Variants in NDST1 observed in about 807,000 individuals in gnomAD.
NDST1 encodes bifunctional heparan sulfate N-deacetylase/N-sulfotransferase 1.
A neutral mutation model predicts 92.8 loss-of-function variants in NDST1; 35 were observed. The ratio of observed to expected loss-of-function variants is 0.38; its 90% CI spans 0.29 to 0.50. NDST1 has a LOEUF of 0.50. Among genes scored for constraint, NDST1 ranks in the 20% least tolerant of loss-of-function variants. NDST1 has a pLI of 0.94. For synonymous variants in NDST1, 493 were observed against 500.3 expected (o/e 0.99, Z 0.19); for missense variants, 822 against 1,182.7 (o/e 0.69, Z 4.47).
Position 150,510,908 on chromosome 5 carries a change from G to A in NDST1, c.-388+2682G>A, listed in dbSNP as rs1158398270. On this transcript the variant is annotated intron_variant, in intron 1 of 14. Transcript: ENST00000261797. ...AACACAGACAGAAAACTATTGAAAA[G>A]GAATGGAGAAAGGGATGTGCAGGGC... Among the ~76,000 whole-genome samples, 4 of 152,342 alleles carry A rather than the reference G, an allele frequency of 2.6e-5. No individual in the cohort carries two copies. The East Asian group carries it at 7.7e-4, about 29-fold the overall frequency.
chr5:150,553,285 C>G lies in NDST1; in HGVS notation c.2602C>G (p.Gln868Glu). 6.2e-7 allele frequency: 1 copy of G among 1,613,894 alleles called. No individual in the cohort carries two copies. Among genetic ancestry groups the G allele is most frequent in the East Asian group, 2.2e-5 (1 of 44,876 alleles). Residue 868 changes from glutamine to glutamate, a missense_variant, in exon 15 of 15, where the codon CAG (glutamine) becomes GAG (glutamate). Transcript: ENST00000261797. The surrounding 1 kb of genome is among the most constrained non-coding windows in gnomAD (Gnocchi z 4.2). ...CTCCAAGCTGCTGTATAAGATGGGC[C>G]AGACACTTCCCACTTGGCTACGAGA... ...ELSKLLYKMGQTLPTWLREDL... is the reference protein window; with the variant it reads ...ELSKLLYKMGETLPTWLREDL...
intron 3 of NDST1, among the ~76,000 whole-genome samples, chr5:150,530,457 G>T (rs980857895): frequency 1.3e-5 from 2 of 152,036 alleles, no homozygotes; most frequent in African/African-American, 4.8e-5. Context: ...GAGAGACTGT[G>T]GTCCAGGGTC....
In NDST1 at chr5:150,536,028, C is replaced by G. The variant is rs1260225715; in HGVS notation, c.1437+143C>G. The G allele has an allele frequency of 1.1e-5, 11 of 973,050 alleles. No individual in the cohort carries two copies. In the Admixed American group the frequency reaches 2.2e-4, roughly 19 times the overall value. The allele number at this position is 973,050 out of a possible 1,614,324, so 60.3% of individuals were successfully genotyped here. On this transcript the variant is annotated intron_variant, in intron 6 of 14. Coordinates refer to ENST00000261797, the MANE Select transcript of NDST1 (RefSeq NM_001543.5). Reference sequence around the variant, plus strand: ...CAGCTTCTGCTGCCTCCTCTGGCACCCGAGGCTCTCTGCCCCAGGGAAGGT... The same window carrying G: ...CAGCTTCTGCTGCCTCCTCTGGCACGCGAGGCTCTCTGCCCCAGGGAAGGT...
intron 4 of NDST1, 144 bp downstream of exon 4, chr5:150,533,176 C>A: frequency 1.2e-6 from 1 of 814,294 alleles, no homozygotes; most frequent in Non-Finnish European, 2.1e-6. Context: ...CCCGTGGAGC[C>A]AACAGCCTAC....
At chr5:150,503,335 A>G (rs1753312844), upstream of NDST1, among the ~76,000 whole-genome samples, 1 of 152,118 alleles carries the variant, frequency 6.6e-6, no homozygotes, top group Admixed American at 6.6e-5. Context: ...CCAGCTACTC[A>G]GGAGGCTGGG....
chr5:150,551,969 C>A, intron 14 of NDST1, 114 bp downstream of exon 14: 1 of 1,496,066 alleles, frequency 6.7e-7, no homozygotes, highest in South Asian at 1.2e-5. Context: ...ATGGCCTTAG[C>A]ATTTCTTGGA....
chr5:150,543,135 C>T (rs983734842), intron 10 of NDST1, among the ~76,000 whole-genome samples, 164 bp downstream of exon 10: 2 of 152,176 alleles, frequency 1.3e-5, no homozygotes, highest in African/African-American at 2.4e-5. Flanking sequence ...GGTGTGACAG[C>T]GTTGTCATAG....
chr5:150,531,523 G>A (rs1266595927), intron 3 of NDST1, among the ~76,000 whole-genome samples: 1 of 134,462 alleles, frequency 7.4e-6, no homozygotes, highest in Non-Finnish European at 1.6e-5. Flanking sequence ...TTTTTGAGAT[G>A]GAGTTTCATT....
chr5:150,523,246 G>A (rs1188423520), intron 2 of NDST1, among the ~76,000 whole-genome samples: 1 of 152,188 alleles, frequency 6.6e-6, no homozygotes, highest in African/African-American at 2.4e-5. Flanking sequence ...CTGGTTTATG[G>A]CTTTACAATG....
chr5:150,520,766 G>A (rs1046645384), intron 1 of NDST1, 102 bp from the exon 2 acceptor site: 7 of 396,380 alleles, frequency 1.8e-5, no homozygotes, highest in Admixed American at 4.3e-5. Flanking sequence ...TTCGGCAGCC[G>A]TACTTGCATT....
chr5:150,542,847 G>T lies in NDST1; in HGVS notation c.1847-1G>T. The T allele has an allele frequency of 6.2e-7, 1 of 1,614,104 alleles. No homozygotes were observed. Among genetic ancestry groups the T allele is most frequent in the Non-Finnish European group, 8.5e-7 (1 of 1,179,952 alleles). On this transcript the variant is annotated splice_acceptor_variant, in intron 9 of 14. Transcript: ENST00000261797. LOFTEE classifies it high-confidence loss of function. ...GTCTCAGGTGTCTACCCTCCCCACAGGCACCACTGCCCTCTACCTGTTCCT... is the reference window on the plus strand; with the variant it reads ...GTCTCAGGTGTCTACCCTCCCCACATGCACCACTGCCCTCTACCTGTTCCT...
At chr5:150,539,399 C>T (rs1456733349) in intron 7 of NDST1, 43 bp downstream of exon 7, 5 of 1,612,698 alleles carry the variant, frequency 3.1e-6, no homozygotes, top group Non-Finnish European at 4.2e-6. Context: ...GAAGGGGCTG[C>T]TGCACAGCCT....
At chr5:150,499,540 A>G (rs906648905) in intron 1 of NDST1, among the ~76,000 whole-genome samples, 2 of 152,232 alleles carry the variant, frequency 1.3e-5, no homozygotes, top group Admixed American at 6.5e-5. Context: ...GCATTGGAGC[A>G]TCATGCTTAG....
rs1755796840 is a variant in NDST1, at chr5:150,553,171, T to C, written c.2530-42T>C. 6.2e-7 allele frequency: 1 copy of C among 1,603,782 alleles called. No individual in the cohort carries two copies. Among genetic ancestry groups the C allele is most frequent in the African/African-American group, 1.3e-5 (1 of 74,654 alleles). On this transcript the variant is annotated intron_variant, in intron 14 of 14. Transcript: ENST00000261797. This position sits in a 1 kb window ranked among gnomAD's most constrained non-coding sequence, Gnocchi z 4.2. ...TGGCGATTTTTAGAGGAGGTCACTC[T>C]TAAGTCAGTACACAAGGTCTGAGCT...
chr5:150,525,089 C>T (rs921815570), intron 2 of NDST1, among the ~76,000 whole-genome samples: 3 of 152,212 alleles, frequency 2.0e-5, no homozygotes, highest in Admixed American at 6.5e-5. Flanking sequence ...GCTCCTCCTC[C>T]CTCTGCCTGG....
chr5:150,549,263 C>T (rs1197381144), intron 12 of NDST1, among the ~76,000 whole-genome samples: 1 of 152,204 alleles, frequency 6.6e-6, no homozygotes, highest in Non-Finnish European at 1.5e-5. Context: ...CTGCCCACCC[C>T]AGCATCCCAA....
At chr5:150,552,274 C>T (rs1755757489) in intron 14 of NDST1, among the ~76,000 whole-genome samples, 1 of 152,020 alleles carries the variant, frequency 6.6e-6, no homozygotes, top group Admixed American at 6.6e-5. Flanking sequence ...AAAAAGGCTC[C>T]TTAAAGGAGG....
At chr5:150,527,678 G>A (rs1754534823) in intron 2 of NDST1, 126 bp from the exon 3 acceptor site, 1 of 1,370,428 alleles carries the variant, frequency 7.3e-7, no homozygotes, top group African/African-American at 1.4e-5. Flanking sequence ...GGGCCAGGGT[G>A]GTGAGCCCTC....
chr5:150,516,761 G>T (rs1753985523), intron 1 of NDST1, among the ~76,000 whole-genome samples: 1 of 152,152 alleles, frequency 6.6e-6, no homozygotes, highest in Non-Finnish European at 1.5e-5. Context: ...TGCCTCCTGG[G>T]TTCAAGTGAT....
Sources: allele counts gnomAD v4.1 joint callset (sites outside exome capture counted in the v4.1 genomes callset), GRCh38; gene constraint gnomAD v4.1.1; non-coding constraint Gnocchi (gnomAD v3.1); transcripts MANE v1.5; gene names NCBI Gene and HGNC (gene_info 2026-07-23, HGNC 2026-07-21).